Variants in STAT2 observed in about 807,000 individuals in gnomAD.
STAT2 encodes signal transducer and activator of transcription 2.
Under a neutral mutation model 122.3 loss-of-function variants are expected in STAT2, and 51 were observed. The observed-to-expected ratio is 0.42, with a 90% CI of 0.33 to 0.53. STAT2 has a LOEUF of 0.53. Ranked by LOEUF, STAT2 falls within the 20% of genes least tolerant of loss-of-function variation. STAT2 has a pLI of 0.10. For synonymous variants in STAT2, 351 were observed against 394.9 expected (o/e 0.89, Z 1.32); for missense variants, 736 against 1,010.3 (o/e 0.73, Z 3.68).
chr12:56,355,575 A>G (rs750150783), intron 4 of STAT2, 43 bp from the exon 5 acceptor site: 1 of 1,611,528 alleles, frequency 6.2e-7, no homozygotes, highest in Admixed American at 1.7e-5. Flanking sequence ...CTGGCCTTTC[A>G]TGCCTTAAGT....
In STAT2 at chr12:56,343,338, T is replaced by C. The variant is rs764824397; in HGVS notation, c.*51A>G. On this transcript the variant is annotated 3_prime_UTR_variant, in exon 24 of 24. Coordinates refer to ENST00000314128, the MANE Select transcript of STAT2 (RefSeq NM_005419.4). The stretch of plus-strand genomic sequence containing the variant: ...ATCCTTGGAGAACAATATCATGCTA[T>C]GAGGAGTAGGAAGGGCAAGAGATAT... 3 of 1,586,418 alleles carry C rather than the reference T, an allele frequency of 1.9e-6. No individual in the cohort carries two copies. Among genetic ancestry groups the C allele is most frequent in the South Asian group, 2.3e-5 (2 of 88,080 alleles).
At position 56,343,297 on chromosome 12, in the gene STAT2, C is replaced by G; in HGVS notation, c.*92G>C. The stretch of plus-strand genomic sequence containing the variant: ...AACAGTTAACACAGCTTGGAAGGGA[C>G]ACATGCCTGATTCCCATCCTTGGAG... On this transcript the variant is annotated 3_prime_UTR_variant, in exon 24 of 24. Coordinates refer to ENST00000314128, the MANE Select transcript of STAT2 (RefSeq NM_005419.4). 6.5e-7 allele frequency: 1 copy of G among 1,529,462 alleles called. No individual in the cohort carries two copies. Among genetic ancestry groups the G allele is most frequent in the South Asian group, 1.3e-5 (1 of 79,610 alleles). 94.7% of individuals were successfully genotyped at this position (1,529,462 alleles called of 1,614,324 possible).
chr12:56,344,249 C>T, intron 22 of STAT2, 114 bp from the exon 23 acceptor site: 1 of 1,408,106 alleles, frequency 7.1e-7, no homozygotes, highest in Non-Finnish European at 9.3e-7. Context: ...GGCTAAAGAG[C>T]ATGGGTTTGG....
Position 56,344,085 on chromosome 12 carries a change from A to T in STAT2, c.2153T>A (p.Leu718Gln). 1 of 1,590,346 alleles carries T rather than the reference A, an allele frequency of 6.3e-7. No homozygotes were observed. Among genetic ancestry groups the T allele is most frequent in the South Asian group, 1.1e-5 (1 of 88,966 alleles). ...CCCTAGTTCCAGCTCTAATGACTCC[A>T]GCTCTGGCTCTGGCTTAAGCTCCAG... ...QPLELKPEPE[L>Q]ESLELELGLV... The change falls in exon 23 of 24, where the codon CTG becomes CAG. Residue 718 changes from leucine to glutamine, a missense_variant. Leu to Gln is a moderately radical substitution (Grantham distance 113). Coordinates refer to ENST00000314128, the MANE Select transcript of STAT2 (RefSeq NM_005419.4).
Position 56,343,506 on chromosome 12 carries a change from T to C in STAT2, c.2439A>G (p.Glu813=), listed in dbSNP as rs763488910. 2.5e-6 allele frequency: 4 copies of C among 1,614,164 alleles called. No individual in the cohort carries two copies. The highest frequency in any genetic ancestry group is 3.4e-6 in the Non-Finnish European group (4 of 1,180,032). The change falls in exon 24 of 24, where the codon GAA becomes GAG. Residue 813 remains glutamate, a synonymous_variant. Coordinates refer to ENST00000314128, the MANE Select transcript of STAT2 (RefSeq NM_005419.4). ...GTGGGTCACCATTCGGCATGATTTC[T>C]TCAATCTTTACACAGTTTCTGAAGA... ...MEIFRNCVKI[E]EIMPNGDPLL...
At position 56,346,637 on chromosome 12, in the gene STAT2, T is replaced by C. The variant is rs1338343691; in HGVS notation, c.1862-13A>G. On this transcript the variant is annotated splice_polypyrimidine_tract_variant and intron_variant, in intron 20 of 23. Coordinates refer to ENST00000314128, the MANE Select transcript of STAT2 (RefSeq NM_005419.4). ...ATGAGCACCTTGTCTGGAGAGTGAA[T>C]GCAGGAACAGGCGGGCTTGAGGGAA... The C allele has an allele frequency of 2.5e-6, 4 of 1,613,614 alleles. No homozygotes were observed. Among genetic ancestry groups the C allele is most frequent in the South Asian group, 2.2e-5 (2 of 91,064 alleles).
chr12:56,353,756 G>T (rs560455347), intron 8 of STAT2, among the ~76,000 whole-genome samples: 13 of 151,694 alleles, frequency 8.6e-5, no homozygotes, highest in African/African-American at 3.1e-4. Flanking sequence ...CACTTTGGGA[G>T]CCCAAGTTGG....
rs766306027 is a variant in STAT2 at position 56,349,258 on chromosome 12, C to T, written c.1345G>A (p.Asp449Asn). The T allele has an allele frequency of 5.0e-6, 8 of 1,614,018 alleles. No individual in the cohort carries two copies. Among genetic ancestry groups the T allele is most frequent in the Non-Finnish European group, 6.8e-6 (8 of 1,180,026 alleles). Residue 449 changes from aspartate (D) to asparagine (N), a missense_variant, in exon 16 of 24, where the codon GAC becomes AAC. By Grantham distance (23) the Asp-to-Asn change is conservative (BLOSUM62 1). Transcript: ENST00000314128. ...GAAATAATCACCACAGGGAGGGTGTCCGTCTGGGGAGAAGACAGGAGTCAC... is the reference window on the plus strand; with the variant it reads ...GAAATAATCACCACAGGGAGGGTGTTCGTCTGGGGAGAAGACAGGAGTCAC... Reference protein sequence around the residue: ...YQGLKQELKTDTLPVVIISNM... With the variant: ...YQGLKQELKTNTLPVVIISNM...
intron 1 of STAT2, 33 bp downstream of exon 1, chr12:56,360,025 C>T (rs1880144373): frequency 4.1e-6 from 4 of 984,470 alleles, no homozygotes; most frequent in Admixed American, 6.2e-5. Flanking sequence ...TCACCCCCAC[C>T]CCTACCCCAG....
At chr12:56,352,904 C>T (rs916397911) in intron 8 of STAT2, among the ~76,000 whole-genome samples, 11 of 152,062 alleles carry the variant, frequency 7.2e-5, no homozygotes, top group African/African-American at 2.7e-4. Flanking sequence ...ACTGCAGCCT[C>T]CAACACCTGG....
In STAT2 at chr12:56,349,221, T is replaced by C; in HGVS notation, c.1382A>G (p.Gln461Arg). The C allele has an allele frequency of 6.2e-7, 1 of 1,614,198 alleles. No homozygotes were observed. The highest frequency in any genetic ancestry group is 8.5e-7 in the Non-Finnish European group (1 of 1,180,038). ...LPVVIISNMN[Q>R]LSIAWASVLW... ...AACTGAAGCCCAGGCAATTGAGAGCTGGTTCATGTTGGAAATAATCACCAC... is the reference window on the plus strand; with the variant it reads ...AACTGAAGCCCAGGCAATTGAGAGCCGGTTCATGTTGGAAATAATCACCAC... The change falls in exon 16 of 24, where the codon CAG becomes CGG. Residue 461 changes from glutamine (Q) to arginine (R), a missense_variant. By Grantham distance (43) the Gln-to-Arg change is conservative. Transcript: ENST00000314128.
Position 56,354,824 on chromosome 12 carries a change from T to C in STAT2, c.587A>G (p.Gln196Arg). Residue 196 changes from glutamine (Q) to arginine (R), a missense_variant, in exon 7 of 24, where the codon CAG (glutamine) becomes CGG (arginine). Transcript: ENST00000314128. ...PSLDPHQTKE[Q>R]KILQETLNEL... ...ATTGAGAGTTTCCTGCAGAATCTTC[T>C]GCTCTTTGGTCTGATGGGGGTCCAG... 1 of 1,614,216 alleles carries C rather than the reference T, an allele frequency of 6.2e-7. No individual in the cohort carries two copies. Among genetic ancestry groups the C allele is most frequent in the Non-Finnish European group, 8.5e-7 (1 of 1,180,030 alleles).
intron 21 of STAT2, 97 bp from the exon 22 acceptor site, chr12:56,346,300 A>G: frequency 6.4e-7 from 1 of 1,568,010 alleles, no homozygotes. Context: ...TCTCATCCCC[A>G]TAGTAACCAG....
intron 22 of STAT2, 131 bp from the exon 23 acceptor site, chr12:56,344,266 G>C: frequency 7.6e-7 from 1 of 1,322,020 alleles, no homozygotes; most frequent in Non-Finnish European, 1.0e-6. Context: ...TTGGAATCAG[G>C]CCTCCTGGAG....
chr12:56,346,712 C>T, intron 20 of STAT2, 88 bp from the exon 21 acceptor site: 1 of 1,601,244 alleles, frequency 6.2e-7, no homozygotes, highest in Non-Finnish European at 8.5e-7. Flanking sequence ...CCCAAACCAG[C>T]TGAGGGATTC....
At chr12:56,354,382 C>G (rs951202630) in intron 8 of STAT2, 84 bp downstream of exon 8, 1 of 1,584,162 alleles carries the variant, frequency 6.3e-7, no homozygotes, top group African/African-American at 1.3e-5. Context: ...AAATAGAGAA[C>G]AGTATCTCTT....
At chr12:56,349,401 C>G in intron 15 of STAT2, 25 bp downstream of exon 15, 1 of 1,614,184 alleles carries the variant, frequency 6.2e-7, no homozygotes. Flanking sequence ...TGCTTTCTCT[C>G]TCCTTGCCCT....
intron 1 of STAT2, among the ~76,000 whole-genome samples, chr12:56,357,501 C>T (rs1411882423): frequency 1.3e-5 from 2 of 151,534 alleles, no homozygotes; most frequent in African/African-American, 4.8e-5. Context: ...CCACCATGCC[C>T]GGCTGATTTT....
At chr12:56,357,710 C>CTTTTTTT (rs940388949) in intron 1 of STAT2, among the ~76,000 whole-genome samples, 1 of 130,154 alleles carries the variant, frequency 7.7e-6, no homozygotes, top group African/African-American at 2.8e-5. Context: ...AATTTTCTTT[C>CTTTTTTT]TTTTTTTTTT....
Sources: gnomAD v4.1 joint callset for allele counts (sites outside exome capture counted in the v4.1 genomes callset) on GRCh38, gnomAD v4.1.1 for gene constraint, MANE v1.5 for transcripts, NCBI Gene and HGNC (gene_info 2026-07-23, HGNC 2026-07-21) for gene names.